The following NEK7 variants were observed in gnomAD, a reference collection of about 807,000 sequenced individuals.
The protein encoded by NEK7 is serine/threonine-protein kinase Nek7.
Under a neutral mutation model 44.6 loss-of-function variants are expected in NEK7, and 18 were observed. The ratio of observed to expected loss-of-function variants is 0.40; its 90% confidence interval spans 0.28 to 0.60. The LOEUF is 0.60. Ranked by LOEUF, NEK7 falls within the 20% of genes least tolerant of loss-of-function variation. The pLI is 0.38. For missense variants in NEK7, 256 were observed against 366.5 expected, an observed-to-expected ratio of 0.70 and a Z score of 2.46; for synonymous variants, 130 against 121.1, an observed-to-expected ratio of 1.07 and a Z score of -0.48.
In NEK7 at chr1:198,183,835, G is replaced by A. The variant is rs117409039; in HGVS notation, c.-29+26559G>A. Among the ~76,000 whole-genome samples the A allele has an allele frequency of 7.2e-5, 11 of 152,296 alleles. No individual in the cohort carries two copies. In the East Asian group the frequency reaches 1.2e-3, roughly 16 times the overall value. ...ATAAATATAGCATGTGACTCGAGAC[G>A]TTTTTAATGGTCTAATGTCATTCAT... On this transcript the variant is annotated intron_variant, in intron 1 of 9. Coordinates refer to ENST00000367385, the MANE Select transcript of NEK7 (RefSeq NM_133494.3).
At chr1:198,198,329 C>T in intron 1 of NEK7, 1 of 351,268 alleles carries the variant, frequency 2.8e-6, no homozygotes, top group Non-Finnish European at 5.3e-6. Context: ...TGGAAGCTTT[C>T]CTTGGGCTTC....
chr1:198,272,258 A>C (rs1179244734), intron 5 of NEK7, among the ~76,000 whole-genome samples: 1 of 151,812 alleles, frequency 6.6e-6, no homozygotes. Flanking sequence ...GAAAAAATTG[A>C]AGATAATTTT....
At chr1:198,234,146 A>G (rs1666481552) in intron 2 of NEK7, among the ~76,000 whole-genome samples, 1 of 152,086 alleles carries the variant, frequency 6.6e-6, no homozygotes, top group African/African-American at 2.4e-5. Flanking sequence ...GGGGCTCAAT[A>G]AGAATATGTA....
intron 1 of NEK7, among the ~76,000 whole-genome samples, chr1:198,179,795 AGG>A (rs1266798246): frequency 9.1e-6 from 1 of 109,760 alleles, no homozygotes; most frequent in East Asian, 5.4e-4. Flanking sequence ...ACAGTTACAC[AGG>A]AGTGTGTGTG....
chr1:198,257,211 TA>T (rs781537409), intron 3 of NEK7, among the ~76,000 whole-genome samples: 11 of 152,230 alleles, frequency 7.2e-5, no homozygotes, highest in Non-Finnish European at 1.3e-4. Flanking sequence ...CATAAAGTGA[TA>T]ATATTGTTCA....
chr1:198,224,188 T>C (rs34210704), intron 1 of NEK7, among the ~76,000 whole-genome samples: 26,727 of 152,084 alleles, frequency 0.18, 3,400 homozygotes, highest in African/African-American at 0.33. Context: ...AAACTTATGG[T>C]TTCTTAAGAT....
At chr1:198,191,831 GTATT>G (rs1483229579) in intron 1 of NEK7, among the ~76,000 whole-genome samples, 1 of 152,046 alleles carries the variant, frequency 6.6e-6, no homozygotes, top group Non-Finnish European at 1.5e-5. Context: ...ACGTGTGTAT[GTATT>G]TATTGATTCA....
rs201430507 is a variant in NEK7 at position 198,181,981 on chromosome 1, G to GAT, written c.-29+24717_-29+24718dup. On this transcript the variant is annotated intron_variant, in intron 1 of 9. Coordinates refer to ENST00000367385, the MANE Select transcript of NEK7 (RefSeq NM_133494.3). ...TTTTCTTGTTTTAATAGAAAAAAGT[G>GAT]ATATATATATATAATTTTAAAATGG... is the stretch of plus-strand genomic sequence containing the variant. 5.9e-4 allele frequency among the ~76,000 whole-genome samples: 90 copies of GAT among 151,618 alleles called. No individual in the cohort carries two copies. In the South Asian group the frequency reaches 0.012, roughly 20 times the overall value.
At chr1:198,254,070 C>CT (rs893707913) in intron 3 of NEK7, among the ~76,000 whole-genome samples, 75 of 147,292 alleles carry the variant, frequency 5.1e-4, no homozygotes, top group African/African-American at 1.4e-3. Context: ...ATCTAAATGT[C>CT]TTTTTTTTTT....
chr1:198,177,010 A>C (rs1455475669), intron 1 of NEK7, among the ~76,000 whole-genome samples: 1 of 152,124 alleles, frequency 6.6e-6, no homozygotes, highest in Non-Finnish European at 1.5e-5. Flanking sequence ...TCCAGCTGAA[A>C]ATGTGTGATT....
chr1:198,184,145 G>C (rs1171893644), intron 1 of NEK7, among the ~76,000 whole-genome samples: 1 of 152,162 alleles, frequency 6.6e-6, no homozygotes, highest in Non-Finnish European at 1.5e-5. Flanking sequence ...TGTATAGTGT[G>C]AAAATAGTAA....
intron 5 of NEK7, among the ~76,000 whole-genome samples, 172 bp downstream of exon 5, chr1:198,264,407 G>T (rs1653582872): frequency 6.6e-6 from 1 of 151,730 alleles, no homozygotes; most frequent in African/African-American, 2.4e-5. Flanking sequence ...TCTGAAACTG[G>T]TTTACTTGGT....
At chr1:198,293,107 G>A (rs940372273) in intron 8 of NEK7, 68 bp downstream of exon 8, 10 of 775,756 alleles carry the variant, frequency 1.3e-5, no homozygotes, top group Non-Finnish European at 1.9e-5. Flanking sequence ...TATCCTTATA[G>A]TATATACTTA....
intron 1 of NEK7, among the ~76,000 whole-genome samples, chr1:198,231,297 G>GTATATA (rs1236094292): frequency 0.014 from 1,264 of 89,532 alleles, 12 homozygotes; most frequent in African/African-American, 0.033. Context: ...GTGTATGTGT[G>GTATATA]TGTGTATATA....
At chr1:198,218,814 C>T (rs1270691451) in intron 1 of NEK7, among the ~76,000 whole-genome samples, 1 of 150,966 alleles carries the variant, frequency 6.6e-6, no homozygotes, top group African/African-American at 2.4e-5. Flanking sequence ...AAATGCTCAA[C>T]ATCACTTATC....
chr1:198,315,263 C>G (rs1050161180), intron 9 of NEK7, among the ~76,000 whole-genome samples: 1 of 152,180 alleles, frequency 6.6e-6, no homozygotes, highest in African/African-American at 2.4e-5. Flanking sequence ...TTGCGCTTCC[C>G]GAGTGAGGCA....
At chr1:198,182,747 G>A (rs1040918961) in intron 1 of NEK7, among the ~76,000 whole-genome samples, 2 of 151,972 alleles carry the variant, frequency 1.3e-5, no homozygotes, top group African/African-American at 2.4e-5. Flanking sequence ...TAGTACAACT[G>A]ATTACAGTTA....
chr1:198,166,472 T>C (rs1664272684), intron 1 of NEK7, among the ~76,000 whole-genome samples: 1 of 152,232 alleles, frequency 6.6e-6, no homozygotes. Flanking sequence ...CTCACTAAGC[T>C]TAATCATTTC....
rs527559031 is a variant in NEK7, at chr1:198,261,836, C to A, written c.199-739C>A. 7.3e-5 allele frequency among the ~76,000 whole-genome samples: 11 copies of A among 150,028 alleles called. No individual in the cohort carries two copies. In the East Asian group the frequency reaches 1.9e-3, roughly 26 times the overall value. On this transcript the variant is annotated intron_variant, in intron 3 of 9. Transcript: ENST00000367385. ...CAACCTTTTCTTCATTATCCTCCCC[C>A]CAAGCTGCCTGTTTAGACATTTCTT...
Sources: gnomAD v4.1 joint callset for allele counts (sites outside exome capture counted in the v4.1 genomes callset) on GRCh38, gnomAD v4.1.1 for gene constraint, MANE v1.5 for transcripts, NCBI Gene and HGNC (gene_info 2026-07-23, HGNC 2026-07-21) for gene names.